CNTN4: variants seen among roughly 807,000 people sequenced by gnomAD.
CNTN4 encodes the protein contactin-4.
A neutral mutation model predicts 122.5 loss-of-function variants in CNTN4; 77 were observed. The observed-to-expected ratio is 0.63, with a 90% confidence interval of 0.52 to 0.76. The LOEUF (loss-of-function observed/expected upper bound fraction) is 0.76. Among genes scored for constraint, CNTN4 ranks in the 30% least tolerant of loss-of-function variants. The pLI is 0.00. For synonymous variants in CNTN4, 512 were observed against 447.0 expected, an observed-to-expected ratio of 1.15 and a Z score of -1.83; for missense variants, 1,256 against 1,259.1, an observed-to-expected ratio of 1.00 and a Z score of 0.04.
intron 3 of CNTN4, among the ~76,000 whole-genome samples, chr3:2,514,228 T>A (rs11714570): frequency 0.34 from 51,896 of 152,052 alleles, 10,353 homozygotes; most frequent in East Asian, 0.49. Context: ...CTCAGCGGCA[T>A]TTGGAAGCAG....
intron 13 of CNTN4, among the ~76,000 whole-genome samples, chr3:2,936,176 C>T (rs1559690143): frequency 6.6e-6 from 1 of 152,128 alleles, no homozygotes; most frequent in Non-Finnish European, 1.5e-5. Context: ...TGTTTGTACT[C>T]AGGTAGTGTC....
intron 2 of CNTN4, among the ~76,000 whole-genome samples, chr3:2,203,235 G>A (rs771860501): frequency 1.3e-5 from 2 of 152,084 alleles, no homozygotes; most frequent in African/African-American, 2.4e-5. Flanking sequence ...TAAAATGAAA[G>A]CATTAGGACT....
intron 3 of CNTN4, among the ~76,000 whole-genome samples, chr3:2,423,467 AG>A (rs1291405722): frequency 6.7e-6 from 1 of 150,068 alleles, no homozygotes; most frequent in East Asian, 2.0e-4. Flanking sequence ...TCTGAAAGAC[AG>A]GGTGAAAACT....
intron 13 of CNTN4, among the ~76,000 whole-genome samples, chr3:2,928,445 G>A (rs1223171604): frequency 1.3e-5 from 2 of 152,268 alleles, no homozygotes; most frequent in Admixed American, 1.3e-4. Context: ...TGAAACTGAT[G>A]AGTAAAAAAT....
intron 4 of CNTN4, among the ~76,000 whole-genome samples, chr3:2,622,827 G>A (rs927844363): frequency 1.3e-5 from 2 of 152,186 alleles, no homozygotes; most frequent in African/African-American, 2.4e-5. Context: ...AGCTGGTGTG[G>A]AAAAGCTGAG....
At chr3:2,881,377 G>A (rs1030522334) in intron 8 of CNTN4, among the ~76,000 whole-genome samples, 12 of 152,126 alleles carry the variant, frequency 7.9e-5, no homozygotes, top group Admixed American at 1.3e-4. Flanking sequence ...GCCATGCATG[G>A]TGGCACGTGC....
intron 3 of CNTN4, among the ~76,000 whole-genome samples, chr3:2,474,375 TGTTTATTCAGA>T (rs2075779420): frequency 6.6e-6 from 1 of 152,216 alleles, no homozygotes; most frequent in Non-Finnish European, 1.5e-5. Flanking sequence ...TTACTTAAAA[TGTTTATTCAGA>T]ATAAACAGGC....
chr3:2,828,109 C>G (rs2093025755), intron 7 of CNTN4, among the ~76,000 whole-genome samples: 2 of 152,102 alleles, frequency 1.3e-5, no homozygotes, highest in East Asian at 3.9e-4. Flanking sequence ...CTCTCTCTCT[C>G]TCTCTGTGTG....
chr3:2,241,749 A>C (rs377061681), intron 2 of CNTN4, among the ~76,000 whole-genome samples: 2 of 152,158 alleles, frequency 1.3e-5, no homozygotes, highest in African/African-American at 4.8e-5. Flanking sequence ...CTTTGACACA[A>C]GTCATGCTCT....
At chr3:2,365,668 A>G (rs1290376791) in intron 3 of CNTN4, among the ~76,000 whole-genome samples, 2 of 152,204 alleles carry the variant, frequency 1.3e-5, no homozygotes, top group African/African-American at 4.8e-5. Context: ...CCAAGTTGCC[A>G]TCTGCCTCTT....
intron 4 of CNTN4, among the ~76,000 whole-genome samples, chr3:2,654,550 T>C (rs1425355201): frequency 6.6e-6 from 1 of 152,158 alleles, no homozygotes; most frequent in Non-Finnish European, 1.5e-5. Context: ...GGGTATTAAT[T>C]CCGGGAATGA....
At chr3:2,559,178 A>T (rs899351601) in intron 3 of CNTN4, among the ~76,000 whole-genome samples, 1 of 152,238 alleles carries the variant, frequency 6.6e-6, no homozygotes, top group Non-Finnish European at 1.5e-5. Flanking sequence ...ATAAGAGGGA[A>T]AAAAGTCCCT....
chr3:2,311,136 G>GAC (rs1559441532), intron 2 of CNTN4, among the ~76,000 whole-genome samples: 1 of 151,978 alleles, frequency 6.6e-6, no homozygotes, highest in Non-Finnish European at 1.5e-5. Context: ...TATTGGATCT[G>GAC]ACAAAATTCA....
At chr3:2,123,652 G>A (rs1428626234) in intron 2 of CNTN4, among the ~76,000 whole-genome samples, 9 of 152,126 alleles carry the variant, frequency 5.9e-5, no homozygotes, top group Non-Finnish European at 1.2e-4. Context: ...GTTTTCTAGC[G>A]CTACACTGGC....
intron 2 of CNTN4, among the ~76,000 whole-genome samples, chr3:2,265,953 T>G (rs2041026939): frequency 1.3e-5 from 2 of 152,092 alleles, no homozygotes; most frequent in African/African-American, 4.8e-5. Flanking sequence ...TGTATCAGAT[T>G]TAAGAGTTTT....
At chr3:2,688,243 A>C (rs115499649) in intron 4 of CNTN4, among the ~76,000 whole-genome samples, 2 of 152,122 alleles carry the variant, frequency 1.3e-5, no homozygotes, top group Non-Finnish European at 2.9e-5. Flanking sequence ...AGAAATAGCT[A>C]TTTTTTCAGT....
intron 13 of CNTN4, among the ~76,000 whole-genome samples, chr3:2,929,186 C>T (rs2094498605): frequency 6.6e-6 from 1 of 152,162 alleles, no homozygotes; most frequent in Non-Finnish European, 1.5e-5. Context: ...ACAGGGAAGA[C>T]CTGTCACACA....
At chr3:2,354,911 A>G (rs746395225) in intron 3 of CNTN4, among the ~76,000 whole-genome samples, 3 of 152,236 alleles carry the variant, frequency 2.0e-5, no homozygotes, top group Non-Finnish European at 4.4e-5. Context: ...CAAGACAGAA[A>G]TAGGAGCATT....
At chr3:2,245,366 G>A (rs2040103639) in intron 2 of CNTN4, among the ~76,000 whole-genome samples, 1 of 152,042 alleles carries the variant, frequency 6.6e-6, no homozygotes, top group Admixed American at 6.6e-5. Flanking sequence ...CTTTGTGCCA[G>A]TTATTCATTC....
Sources: allele counts gnomAD v4.1 joint callset (sites outside exome capture counted in the v4.1 genomes callset), GRCh38; gene constraint gnomAD v4.1.1; transcripts MANE v1.5; gene names NCBI Gene and HGNC (gene_info 2026-07-23, HGNC 2026-07-21).